The following NAV3 variants were observed in gnomAD, a reference collection of about 807,000 sequenced individuals.
NAV3 encodes pore membrane and/or filament interacting like protein 1.
A neutral mutation model predicts 244.7 loss-of-function variants in NAV3; 87 were observed. The ratio of observed to expected loss-of-function variants is 0.36; its 90% CI spans 0.30 to 0.42. The LOEUF (loss-of-function observed/expected upper bound fraction) is 0.42. Ranked by LOEUF, NAV3 falls within the 20% of genes least tolerant of loss-of-function variation. The probability of loss-of-function intolerance (pLI) is 1.00; values close to 1 mark genes in which losing one functional copy is unlikely to be tolerated. For missense variants in NAV3, 2,663 were observed against 2,893.3 expected, an observed-to-expected ratio of 0.92 and a Z score of 1.83; for synonymous variants, 1,126 against 1,042.2, an observed-to-expected ratio of 1.08 and a Z score of -1.55.
At chr12:77,969,418 A>C (rs1892806935) in intron 5 of NAV3, among the ~76,000 whole-genome samples, 1 of 152,198 alleles carries the variant, frequency 6.6e-6, no homozygotes, top group Non-Finnish European at 1.5e-5. Context: ...ATGATTGAGC[A>C]TACTGGTTAG....
At chr12:77,685,473 G>GCACACACACACA (rs778398842) in intron 2 of NAV3, among the ~76,000 whole-genome samples, 967 of 42,660 alleles carry the variant, frequency 0.023, 13 homozygotes, top group African/African-American at 0.044. Flanking sequence ...GCATACACAT[G>GCACACACACACA]CACACACACA....
chr12:77,854,884 G>T (rs1014158452), intron 1 of NAV3, among the ~76,000 whole-genome samples: 6 of 152,114 alleles, frequency 3.9e-5, no homozygotes, highest in Admixed American at 2.0e-4. Context: ...TTGGGAGGCC[G>T]AGGTGGGTGG....
At chr12:77,902,954 T>A (rs902991181) in intron 1 of NAV3, among the ~76,000 whole-genome samples, 31 of 152,256 alleles carry the variant, frequency 2.0e-4, no homozygotes, top group Admixed American at 3.9e-4. Flanking sequence ...AAGGAACTCT[T>A]CAAGGAGAAC....
At chr12:77,728,643 C>G (rs1031131942) in intron 2 of NAV3, among the ~76,000 whole-genome samples, 4 of 151,708 alleles carry the variant, frequency 2.6e-5, no homozygotes, top group Non-Finnish European at 5.9e-5. Context: ...TGGAGAAGTA[C>G]AGTAGACAGA....
chr12:78,194,209 C>T (rs1959103522), intron 34 of NAV3, among the ~76,000 whole-genome samples: 1 of 152,018 alleles, frequency 6.6e-6, no homozygotes, highest in South Asian at 2.1e-4. Context: ...CTAAATATAC[C>T]TGTTGAGAAT....
chr12:78,049,226 A>G (rs1882352903), intron 9 of NAV3, among the ~76,000 whole-genome samples: 1 of 151,856 alleles, frequency 6.6e-6, no homozygotes, highest in African/African-American at 2.4e-5. Flanking sequence ...AGGTGAGTGG[A>G]TGGTTCTGTC....
At chr12:77,939,563 T>C (rs1021021625) in intron 1 of NAV3, among the ~76,000 whole-genome samples, 3 of 152,174 alleles carry the variant, frequency 2.0e-5, no homozygotes, top group Non-Finnish European at 4.4e-5. Context: ...AAGTATTCTA[T>C]TCAATTGAAA....
intron 2 of NAV3, among the ~76,000 whole-genome samples, chr12:77,767,468 A>G (rs1008624346): frequency 6.6e-6 from 1 of 152,182 alleles, no homozygotes; most frequent in African/African-American, 2.4e-5. Flanking sequence ...TAGCACTACC[A>G]GCCCAGATCC....
intron 2 of NAV3, among the ~76,000 whole-genome samples, chr12:77,590,847 C>G (rs1202307698): frequency 6.6e-6 from 1 of 152,090 alleles, no homozygotes; most frequent in Admixed American, 6.6e-5. Context: ...ACTCCTTTTT[C>G]TTGTGGTTGT....
At chr12:77,714,040 A>G (rs1203743191) in intron 2 of NAV3, among the ~76,000 whole-genome samples, 1 of 152,118 alleles carries the variant, frequency 6.6e-6, no homozygotes, top group Non-Finnish European at 1.5e-5. Flanking sequence ...GCAGATCTAT[A>G]TATTTTCTTA....
intron 1 of NAV3, among the ~76,000 whole-genome samples, chr12:77,869,586 G>T (rs114058003): frequency 6.6e-6 from 1 of 151,890 alleles, no homozygotes; most frequent in African/African-American, 2.4e-5. Flanking sequence ...TCTTAACCTC[G>T]TTAACTCTTA....
At chr12:78,077,634 G>C (rs1174772193) in intron 12 of NAV3, among the ~76,000 whole-genome samples, 1 of 152,016 alleles carries the variant, frequency 6.6e-6, no homozygotes. Context: ...AGATTGGGTG[G>C]CTTAAGCAAC....
chr12:77,609,212 C>CA (rs1870803801), intron 2 of NAV3, among the ~76,000 whole-genome samples: 2 of 151,984 alleles, frequency 1.3e-5, no homozygotes, highest in South Asian at 4.2e-4. Flanking sequence ...AAACCAAAAC[C>CA]AAAAAACTCT....
chr12:77,717,960 T>A (rs1307153382), intron 2 of NAV3, among the ~76,000 whole-genome samples: 1 of 152,188 alleles, frequency 6.6e-6, no homozygotes, highest in African/African-American at 2.4e-5. Flanking sequence ...GAGTTCTTTA[T>A]ATATTTTTGA....
At chr12:77,746,701 C>T (rs987602085) in intron 2 of NAV3, among the ~76,000 whole-genome samples, 5 of 152,066 alleles carry the variant, frequency 3.3e-5, no homozygotes, top group African/African-American at 7.2e-5. Flanking sequence ...GACACAATGA[C>T]TTTGAATACA....
At chr12:77,682,588 A>G (rs1379594416) in intron 2 of NAV3, among the ~76,000 whole-genome samples, 1 of 152,154 alleles carries the variant, frequency 6.6e-6, no homozygotes, top group Non-Finnish European at 1.5e-5. Context: ...TACTGTTTCC[A>G]TAGAGGCTGT....
intron 2 of NAV3, among the ~76,000 whole-genome samples, chr12:77,692,173 G>A (rs187029942): frequency 1.2e-4 from 19 of 152,036 alleles, no homozygotes; most frequent in African/African-American, 3.9e-4. Context: ...GAAGTACTAG[G>A]AGTACTAAGC....
At chr12:77,776,930 A>G (rs1870392076) in intron 2 of NAV3, among the ~76,000 whole-genome samples, 1 of 152,202 alleles carries the variant, frequency 6.6e-6, no homozygotes, top group Non-Finnish European at 1.5e-5. Context: ...TGCTTAGTAT[A>G]TTCTGATGCT....
chr12:78,188,950 T>A (rs930709642), intron 33 of NAV3, among the ~76,000 whole-genome samples, 173 bp downstream of exon 33: 1 of 151,872 alleles, frequency 6.6e-6, no homozygotes, highest in African/African-American at 2.4e-5. Flanking sequence ...ACTACAATCC[T>A]ACTAAAAACA....
Sources: allele counts gnomAD v4.1 joint callset (sites outside exome capture counted in the v4.1 genomes callset), GRCh38; gene constraint gnomAD v4.1.1; transcripts MANE v1.5; gene names NCBI Gene and HGNC (gene_info 2026-07-23, HGNC 2026-07-21).